MGMT: variants seen among roughly 807,000 people sequenced by gnomAD.
The protein encoded by MGMT is methylated-DNA--protein-cysteine methyltransferase.
A neutral mutation model predicts 15.9 loss-of-function variants in MGMT; 14 were observed. That is an observed-to-expected ratio of 0.88 (90% CI 0.58 to 1.37). The LOEUF is 1.37. MGMT is among the 40% of genes most tolerant of loss of function. MGMT has a pLI of 0.00. For synonymous variants in MGMT, 130 were observed against 118.2 expected (o/e 1.10, Z -0.65); for missense variants, 282 against 268.1 (o/e 1.05, Z -0.36).
chr10:129,542,651 T>C (rs1214235105), intron 2 of MGMT, among the ~76,000 whole-genome samples: 1 of 152,212 alleles, frequency 6.6e-6, no homozygotes, highest in East Asian at 1.9e-4. Flanking sequence ...TTATTTTACT[T>C]TATAGAGTGT....
chr10:129,539,656 G>C (rs1426871297), intron 2 of MGMT, among the ~76,000 whole-genome samples: 1 of 152,120 alleles, frequency 6.6e-6, no homozygotes, highest in African/African-American at 2.4e-5. Flanking sequence ...ACAGGCGCCT[G>C]CTGCCACGCC....
intron 2 of MGMT, among the ~76,000 whole-genome samples, chr10:129,638,395 T>C (rs1199355393): frequency 2.6e-5 from 2 of 76,266 alleles, no homozygotes; most frequent in Admixed American, 3.5e-4. Flanking sequence ...ATGAAAGACT[T>C]AAGAATAAGA....
intron 2 of MGMT, among the ~76,000 whole-genome samples, chr10:129,633,192 T>A (rs541620520): frequency 9.2e-5 from 14 of 152,212 alleles, no homozygotes; most frequent in African/African-American, 3.4e-4. Context: ...TCTAGAAAAA[T>A]ATCTAAATTA....
rs962201856 is a variant in MGMT, at chr10:129,581,070, A to C, written c.125+44693A>C. ...CATGACACTCTGTGAGGAAATAATGATGCTACTTTGTAAGATAAGAAAGGG... is the reference window on the plus strand; with the variant it reads ...CATGACACTCTGTGAGGAAATAATGCTGCTACTTTGTAAGATAAGAAAGGG... On this transcript the variant is annotated intron_variant, in intron 2 of 4. Transcript: ENST00000651593. Among the ~76,000 whole-genome samples the C allele has an allele frequency of 2.0e-5, 3 of 152,318 alleles. No homozygotes were observed. In the South Asian group the frequency reaches 6.2e-4, roughly 32 times the overall value.
chr10:129,499,261 A>G (rs56195710), intron 1 of MGMT, among the ~76,000 whole-genome samples: 7,530 of 152,302 alleles, frequency 0.049, 559 homozygotes, highest in African/African-American at 0.16. Flanking sequence ...CTCTGTAAAC[A>G]TGGTTAGGAA....
intron 3 of MGMT, among the ~76,000 whole-genome samples, chr10:129,725,434 TTC>T (rs1848421410): frequency 6.6e-6 from 1 of 152,274 alleles, no homozygotes; most frequent in South Asian, 2.1e-4. Context: ...ACGGAGTGTT[TTC>T]TCTAATATTT....
At chr10:129,525,997 T>A (rs1845865422) in intron 1 of MGMT, among the ~76,000 whole-genome samples, 1 of 152,190 alleles carries the variant, frequency 6.6e-6, no homozygotes, top group African/African-American at 2.4e-5. Context: ...ACGATTTCAA[T>A]GTAACAGAAC....
At chr10:129,704,438 C>T (rs59507993) in intron 2 of MGMT, among the ~76,000 whole-genome samples, 1,694 of 152,158 alleles carry the variant, frequency 0.011, 25 homozygotes, top group African/African-American at 0.038. Flanking sequence ...ATTAAGGGTA[C>T]TGGGCTGAAT....
Position 129,766,818 on chromosome 10 carries a change from G to T in MGMT, c.445G>T (p.Val149Phe). 1 of 1,613,438 alleles carries T rather than the reference G, an allele frequency of 6.2e-7. No homozygotes were observed. The highest frequency in any genetic ancestry group is 8.5e-7 in the Non-Finnish European group (1 of 1,180,020). The change falls in exon 5 of 5, where the codon GTC (valine) becomes TTC (phenylalanine). Residue 149 changes from valine (V) to phenylalanine (F), a missense_variant. Val to Phe is a conservative substitution (Grantham distance 50). Transcript: ENST00000651593. ...CATCCTCATCCCGTGCCACAGAGTG[G>T]TCTGCAGCAGCGGAGCCGTGGGCAA... ...VPILIPCHRV[V>F]CSSGAVGNYS...
rs78009284 is a variant in MGMT, at chr10:129,501,894, G to C, written c.-12-34347G>C. 2.2e-3 allele frequency among the ~76,000 whole-genome samples: 337 copies of C among 152,330 alleles called. 10 individuals carry two copies. In the East Asian group the frequency reaches 0.059, roughly 27 times the overall value. On this transcript the variant is annotated intron_variant, in intron 1 of 4. Transcript: ENST00000651593. ...GTTCCACTCCTTCAAGGGTGGCTTG[G>C]TCATGGACTTGGTTTGGCTAATGAG...
chr10:129,485,548 A>G (rs1845399785), intron 1 of MGMT, among the ~76,000 whole-genome samples: 1 of 152,222 alleles, frequency 6.6e-6, no homozygotes, highest in Admixed American at 6.5e-5. Flanking sequence ...ATTTTTGAAC[A>G]TTGACATGCT....
chr10:129,481,783 T>C (rs1250759779), intron 1 of MGMT, among the ~76,000 whole-genome samples: 4 of 152,198 alleles, frequency 2.6e-5, no homozygotes, highest in African/African-American at 9.6e-5. Context: ...TTGAGTCATG[T>C]CCTTATTTTT....
intron 2 of MGMT, among the ~76,000 whole-genome samples, chr10:129,627,644 G>A (rs1564741672): frequency 6.6e-6 from 1 of 152,006 alleles, no homozygotes; most frequent in South Asian, 2.1e-4. Context: ...ATCCGGAAGC[G>A]GCCTCTAAAA....
intron 2 of MGMT, among the ~76,000 whole-genome samples, chr10:129,608,427 T>G (rs145988169): frequency 1.1e-4 from 16 of 152,192 alleles, no homozygotes; most frequent in African/African-American, 3.9e-4. Flanking sequence ...CCTTTCCACT[T>G]TCACCCACTG....
chr10:129,564,537 T>C, intron 2 of MGMT, among the ~76,000 whole-genome samples: 1 of 74,436 alleles, frequency 1.3e-5, no homozygotes, highest in Non-Finnish European at 2.5e-5. Flanking sequence ...ATTTTCCTCC[T>C]CCACTTCCTC....
intron 3 of MGMT, among the ~76,000 whole-genome samples, chr10:129,732,755 T>C (rs959854025): frequency 4.2e-5 from 6 of 143,994 alleles, no homozygotes; most frequent in African/African-American, 1.5e-4. Context: ...CGCCTTCCTG[T>C]GTCCATGTGT....
At chr10:129,639,034 A>C (rs1847297283) in intron 2 of MGMT, among the ~76,000 whole-genome samples, 1 of 152,204 alleles carries the variant, frequency 6.6e-6, no homozygotes, top group South Asian at 2.1e-4. Flanking sequence ...CATAAATGAC[A>C]AAAATAATTT....
intron 2 of MGMT, among the ~76,000 whole-genome samples, chr10:129,611,185 A>G (rs919436316): frequency 6.6e-6 from 1 of 152,220 alleles, no homozygotes; most frequent in South Asian, 2.1e-4. Flanking sequence ...TCACACTGCT[A>G]TTAGCATCTG....
chr10:129,504,374 G>GAACT (rs1274152149), intron 1 of MGMT, among the ~76,000 whole-genome samples: 2 of 152,212 alleles, frequency 1.3e-5, no homozygotes, highest in African/African-American at 2.4e-5. Flanking sequence ...TTACAGGATA[G>GAACT]TTGTGTTCTT....
Sources: allele counts gnomAD v4.1 joint callset (sites outside exome capture counted in the v4.1 genomes callset), GRCh38; gene constraint gnomAD v4.1.1; transcripts MANE v1.5; gene names NCBI Gene and HGNC (gene_info 2026-07-23, HGNC 2026-07-21).